FAT4: variants seen among roughly 807,000 people sequenced by gnomAD.
The protein encoded by FAT4 is FAT atypical cadherin 4, also known as protocadherin Fat 4.
In FAT4, 84 loss-of-function variants were observed where a neutral mutation model predicts 303.9. The observed-to-expected ratio is 0.28, with a 90% CI of 0.23 to 0.33. The LOEUF is 0.33. Ranked by LOEUF, FAT4 falls within the 10% of genes least tolerant of loss-of-function variation. FAT4 has a pLI of 1.00. For missense variants in FAT4, 6,005 were observed against 6,146.8 expected (o/e 0.98, Z 0.77); for synonymous variants, 2,307 against 2,298.8 (o/e 1.00, Z -0.10).
chr4:125,375,092 TAGATTATCACTTGAGA>T (rs1252398987), intron 2 of FAT4, among the ~76,000 whole-genome samples: 1 of 152,204 alleles, frequency 6.6e-6, no homozygotes, highest in Non-Finnish European at 1.5e-5. Context: ...TATTTAAAAA[TAGATTATCACTTGAGA>T]AAAGACAGCA....
chr4:125,371,857 T>C (rs529149007), intron 2 of FAT4, among the ~76,000 whole-genome samples: 1 of 152,222 alleles, frequency 6.6e-6, no homozygotes, highest in East Asian at 1.9e-4. Context: ...ATTTAGGGAA[T>C]GTCTTCCTGT....
intron 12 of FAT4, among the ~76,000 whole-genome samples, chr4:125,469,655 G>A (rs754178741): frequency 6.6e-6 from 1 of 152,104 alleles, no homozygotes; most frequent in Non-Finnish European, 1.5e-5. Flanking sequence ...ATCCTTTCAT[G>A]TTTGTTTTGC....
chr4:125,346,208 G>A (rs1319180072), intron 2 of FAT4, among the ~76,000 whole-genome samples: 2 of 151,986 alleles, frequency 1.3e-5, no homozygotes, highest in Non-Finnish European at 2.9e-5. Context: ...GCAAATCTTG[G>A]AAAGCTGTGT....
intron 2 of FAT4, among the ~76,000 whole-genome samples, chr4:125,365,886 C>T (rs113407078): frequency 1.3e-5 from 2 of 152,224 alleles, no homozygotes; most frequent in African/African-American, 4.8e-5. Flanking sequence ...CTGACCAGTA[C>T]GGGTCTGTGG....
At chr4:125,416,211 A>C (rs1735055623) in intron 6 of FAT4, among the ~76,000 whole-genome samples, 1 of 152,170 alleles carries the variant, frequency 6.6e-6, no homozygotes, top group African/African-American at 2.4e-5. Flanking sequence ...CTGCTCTTAA[A>C]AATTTTTATG....
intron 2 of FAT4, chr4:125,362,938 A>G (rs1372519025): frequency 6.6e-6 from 1 of 152,134 alleles, no homozygotes; most frequent in Non-Finnish European, 1.5e-5. Context: ...AAAATAAAAC[A>G]AACACCAAAA....
chr4:125,344,461 C>T (rs551090461), intron 2 of FAT4, among the ~76,000 whole-genome samples: 1 of 152,208 alleles, frequency 6.6e-6, no homozygotes, highest in South Asian at 2.1e-4. Context: ...TTCAGCATAC[C>T]TTAAACACCA....
rs756880595 is a variant in FAT4 at position 125,476,206 on chromosome 4, C to T, written c.12249C>T (p.Asn4083=). 1 of 1,603,236 alleles carries T rather than the reference C, an allele frequency of 6.2e-7. No homozygotes were observed. Among genetic ancestry groups the T allele is most frequent in the East Asian group, 2.3e-5 (1 of 44,412 alleles). The change falls in exon 13 of 18, where the codon AAC becomes AAT. Residue 4083 remains asparagine (N), a synonymous_variant. Transcript: ENST00000394329. ...ASLTVDSCSE[N]QEPGYCTVSN... Reference sequence around the variant, plus strand: ...TAACTGTGGACTCCTGTTCTGAGAACCAAGAGCCAGGATATTGTACTGTCA... The same window carrying T: ...TAACTGTGGACTCCTGTTCTGAGAATCAAGAGCCAGGATATTGTACTGTCA...
intron 12 of FAT4, among the ~76,000 whole-genome samples, chr4:125,471,034 A>T (rs552988948): frequency 6.6e-6 from 1 of 152,274 alleles, no homozygotes; most frequent in South Asian, 2.1e-4. Flanking sequence ...CGTTGGCATA[A>T]TTTCAGTAGT....
chr4:125,453,946 A>G (rs961173334), intron 10 of FAT4, among the ~76,000 whole-genome samples: 3 of 152,108 alleles, frequency 2.0e-5, no homozygotes, highest in Non-Finnish European at 2.9e-5. Context: ...TTATCTATCA[A>G]CCTATCTATT....
intron 2 of FAT4, among the ~76,000 whole-genome samples, chr4:125,391,764 C>A (rs974396475): frequency 4.6e-5 from 7 of 152,200 alleles, no homozygotes; most frequent in Admixed American, 4.6e-4. Flanking sequence ...TGTTCCCACA[C>A]AAAAACTAGG....
intron 7 of FAT4, among the ~76,000 whole-genome samples, chr4:125,419,239 G>C (rs1735188664): frequency 6.6e-6 from 1 of 152,138 alleles, no homozygotes; most frequent in Non-Finnish European, 1.5e-5. Flanking sequence ...AGCTTAGTAA[G>C]GCCAAAGTAA....
Position 125,490,838 on chromosome 4 carries a change from G to C in FAT4, c.14022G>C (p.Leu4674Phe). Residue 4674 changes from leucine (L) to phenylalanine (F), a missense_variant, in exon 18 of 18, where the codon TTG becomes TTC. Coordinates refer to ENST00000394329, the MANE Select transcript of FAT4 (RefSeq NM_001291303.3). ...QSPMPLGASS[L>F]TYQPSYGQGL... is the part of the protein sequence containing the mutation. ...CCATGCCCTTAGGAGCAAGCAGTTT[G>C]ACTTACCAGCCTTCATATGGTCAAG... 4 of 1,614,140 alleles carry C rather than the reference G, an allele frequency of 2.5e-6. No homozygotes were observed. Among genetic ancestry groups the C allele is most frequent in the Non-Finnish European group, 3.4e-6 (4 of 1,180,032 alleles).
chr4:125,329,563 C>T (rs1731295669), intron 2 of FAT4, among the ~76,000 whole-genome samples: 1 of 152,156 alleles, frequency 6.6e-6, no homozygotes, highest in African/African-American at 2.4e-5. Context: ...TCTTTTTACT[C>T]TATACTCATT....
intron 2 of FAT4, among the ~76,000 whole-genome samples, chr4:125,327,743 A>G (rs1731214184): frequency 6.6e-6 from 1 of 152,194 alleles, no homozygotes; most frequent in Non-Finnish European, 1.5e-5. Context: ...TTAAAACCCT[A>G]ATGATTTTAA....
intron 2 of FAT4, among the ~76,000 whole-genome samples, chr4:125,330,107 C>T (rs540675580): frequency 6.6e-6 from 1 of 152,316 alleles, no homozygotes; most frequent in African/African-American, 2.4e-5. Flanking sequence ...TTTCTATTCT[C>T]GGAACTTGCT....
chr4:125,412,895 T>A (rs901519734), intron 5 of FAT4, among the ~76,000 whole-genome samples: 14 of 151,944 alleles, frequency 9.2e-5, no homozygotes, highest in South Asian at 2.1e-4. Context: ...TCAATAATAG[T>A]CATGTCCCCA....
intron 9 of FAT4, 137 bp from the exon 10 acceptor site, chr4:125,448,324 G>T: frequency 1.3e-6 from 1 of 765,604 alleles, no homozygotes; most frequent in Non-Finnish European, 2.1e-6. Flanking sequence ...AAATATAGGA[G>T]ATACTGTTCT....
chr4:125,339,753 C>T (rs1195898854), intron 2 of FAT4, among the ~76,000 whole-genome samples: 3 of 152,098 alleles, frequency 2.0e-5, no homozygotes, highest in Non-Finnish European at 2.9e-5. Context: ...ATTAGGAAGA[C>T]CTAGAGCCAA....
Sources: allele counts gnomAD v4.1 joint callset (sites outside exome capture counted in the v4.1 genomes callset), GRCh38; gene constraint gnomAD v4.1.1; transcripts MANE v1.5; gene names NCBI Gene and HGNC (gene_info 2026-07-23, HGNC 2026-07-21).